The following DCUN1D3 variants were observed in gnomAD, a reference collection of about 807,000 sequenced individuals.
DCUN1D3 encodes DCN1-like protein 3.
Under a neutral mutation model 24.8 loss-of-function variants are expected in DCUN1D3, and 6 were observed. That is an observed-to-expected ratio of 0.24 (90% CI 0.13 to 0.48). DCUN1D3 has a LOEUF of 0.48. Among genes scored for constraint, DCUN1D3 ranks in the 20% least tolerant of loss-of-function variants. The probability of loss-of-function intolerance (pLI) is 0.99; values close to 1 mark genes in which losing one functional copy is unlikely to be tolerated. For synonymous variants in DCUN1D3, 120 were observed against 144.9 expected (o/e 0.83, Z 1.24); for missense variants, 258 against 379.4 (o/e 0.68, Z 2.66).
intron 1 of DCUN1D3, among the ~76,000 whole-genome samples, chr16:20,881,703 A>G (rs1426164633): frequency 4.6e-5 from 7 of 152,232 alleles, no homozygotes; most frequent in Admixed American, 1.3e-4. Context: ...TCAGAACTAA[A>G]GCAGCTTATG....
chr16:20,868,374 T>G (rs2081772632), intron 1 of DCUN1D3, among the ~76,000 whole-genome samples: 1 of 152,200 alleles, frequency 6.6e-6, no homozygotes, highest in African/African-American at 2.4e-5. Context: ...GGAGTCTATT[T>G]AGGAATGGAG....
intron 1 of DCUN1D3, among the ~76,000 whole-genome samples, chr16:20,879,419 G>A (rs1377584625): frequency 6.6e-6 from 1 of 152,166 alleles, no homozygotes; most frequent in African/African-American, 2.4e-5. Flanking sequence ...GACAAACACT[G>A]ATAAACCTTT....
At position 20,859,891 on chromosome 16, in the gene DCUN1D3, T is replaced by C. The variant is rs1442887626; in HGVS notation, c.910A>G (p.Thr304Ala). The C allele has an allele frequency of 1.2e-6, 2 of 1,605,666 alleles. No homozygotes were observed. The highest frequency in any genetic ancestry group is 1.3e-5 in the African/African-American group (1 of 74,794). ...GPEGLCPEEQ[T>A] ...CTGCTCCTGGGACAGAGCCACTAAG[T>C]CTGCTCCTCGGGACACAAGCCCTCA... Residue 304 changes from threonine (T) to alanine (A), a missense_variant, in exon 3 of 3, where the codon ACT (threonine) becomes GCT (alanine). Coordinates refer to ENST00000324344, the MANE Select transcript of DCUN1D3 (RefSeq NM_173475.4).
At chr16:20,884,958 T>G (rs1192226985) in intron 1 of DCUN1D3, among the ~76,000 whole-genome samples, 1 of 149,474 alleles carries the variant, frequency 6.7e-6, no homozygotes, top group Non-Finnish European at 1.5e-5. Context: ...TGTTGGGCTA[T>G]ATCACTGCCA....
chr16:20,881,464 ATTTG>A (rs2081843148), intron 1 of DCUN1D3, among the ~76,000 whole-genome samples: 1 of 152,084 alleles, frequency 6.6e-6, no homozygotes, highest in Non-Finnish European at 1.5e-5. Context: ...GATTTGCACT[ATTTG>A]TTTTCTTTTT....
Position 20,860,135 on chromosome 16 carries a change from G to A in DCUN1D3, c.666C>T (p.Asp222=). ...VFTQNNPPVL[D]QWLNFLTENP... is the part of the protein sequence containing the mutation. The stretch of plus-strand genomic sequence containing the variant: ...TCTCTGTTAGGAAGTTTAGCCATTG[G>A]TCCAATACCGGAGGATTGTTCTGGG... The change falls in exon 3 of 3, where the codon GAC becomes GAT. Residue 222 remains aspartate, a synonymous_variant. Coordinates refer to ENST00000324344, the MANE Select transcript of DCUN1D3 (RefSeq NM_173475.4). This position sits in a 1 kb window ranked among gnomAD's most constrained non-coding sequence, Gnocchi z 4.3. 1 of 1,614,240 alleles carries A rather than the reference G, an allele frequency of 6.2e-7. No individual in the cohort carries two copies. The highest frequency in any genetic ancestry group is 1.1e-5 in the South Asian group (1 of 91,090).
At chr16:20,885,348 T>C (rs185717485) in intron 1 of DCUN1D3, among the ~76,000 whole-genome samples, 63 of 152,254 alleles carry the variant, frequency 4.1e-4, no homozygotes, top group Non-Finnish European at 2.6e-4. Flanking sequence ...GATCCATCTT[T>C]ATAGCAATTT....
chr16:20,864,622 T>C (rs1382860899), intron 1 of DCUN1D3, among the ~76,000 whole-genome samples: 1 of 152,070 alleles, frequency 6.6e-6, no homozygotes, highest in African/African-American at 2.4e-5. Context: ...ACATTCGAAC[T>C]AGCAATCCCA....
At chr16:20,892,848 C>T (rs2081898327) in intron 1 of DCUN1D3, among the ~76,000 whole-genome samples, 3 of 152,140 alleles carry the variant, frequency 2.0e-5, no homozygotes, top group Admixed American at 6.5e-5. Context: ...AAGAAAAAAG[C>T]CCAGCTTTCT....
At chr16:20,892,296 A>C (rs1427801597) in intron 1 of DCUN1D3, among the ~76,000 whole-genome samples, 1 of 152,168 alleles carries the variant, frequency 6.6e-6, no homozygotes, top group Admixed American at 6.5e-5. Flanking sequence ...CTCACTCTCT[A>C]ATTCCACTTA....
chr16:20,870,186 C>T (rs1474640850), intron 1 of DCUN1D3, among the ~76,000 whole-genome samples: 1 of 152,152 alleles, frequency 6.6e-6, no homozygotes, highest in African/African-American at 2.4e-5. Flanking sequence ...ACTACTTCAC[C>T]TTTTTTGGCA....
intron 1 of DCUN1D3, among the ~76,000 whole-genome samples, chr16:20,877,987 A>C (rs769441009): frequency 2.6e-5 from 4 of 152,174 alleles, no homozygotes; most frequent in Admixed American, 6.5e-5. Flanking sequence ...ATTTTTGTAC[A>C]GACAGGGTCT....
intron 1 of DCUN1D3, among the ~76,000 whole-genome samples, chr16:20,882,665 T>C (rs563478992): frequency 6.6e-5 from 10 of 152,338 alleles, no homozygotes; most frequent in African/African-American, 2.2e-4. Context: ...AGATCTACAA[T>C]AGGCACTAAA....
intron 1 of DCUN1D3, among the ~76,000 whole-genome samples, chr16:20,872,392 G>A (rs984777238): frequency 2.6e-5 from 4 of 152,002 alleles, no homozygotes; most frequent in African/African-American, 9.7e-5. Flanking sequence ...TAGATATGTG[G>A]TTTCGGGAGC....
chr16:20,869,129 C>T (rs1357346721), intron 1 of DCUN1D3: 1 of 152,406 alleles, frequency 6.6e-6, no homozygotes, highest in Non-Finnish European at 1.5e-5. Context: ...AGGGCAATCC[C>T]AGAGGCTGCA....
chr16:20,863,805 A>C (rs1365974258), intron 1 of DCUN1D3, among the ~76,000 whole-genome samples: 1 of 152,186 alleles, frequency 6.6e-6, no homozygotes, highest in African/African-American at 2.4e-5. Context: ...TGGAGAGCCC[A>C]AAAATAAGGC....
intron 1 of DCUN1D3, among the ~76,000 whole-genome samples, chr16:20,875,607 C>T (rs569703484): frequency 2.0e-5 from 3 of 152,288 alleles, no homozygotes; most frequent in East Asian, 1.9e-4. Context: ...CCCTCTCTCA[C>T]ACTATATACA....
chr16:20,892,456 T>C (rs1471834496), intron 1 of DCUN1D3, among the ~76,000 whole-genome samples: 3 of 152,188 alleles, frequency 2.0e-5, no homozygotes, highest in Non-Finnish European at 2.9e-5. Flanking sequence ...CTCCCCCTCC[T>C]GTTTAAAGAG....
intron 1 of DCUN1D3, among the ~76,000 whole-genome samples, chr16:20,867,019 A>C (rs1222521655): frequency 6.6e-6 from 1 of 152,232 alleles, no homozygotes; most frequent in Non-Finnish European, 1.5e-5. Flanking sequence ...CTGATGGCTA[A>C]CAGCTAATAA....
Sources: gnomAD v4.1 joint callset for allele counts (sites outside exome capture counted in the v4.1 genomes callset) on GRCh38, gnomAD v4.1.1 for gene constraint, Gnocchi (gnomAD v3.1) non-coding constraint, MANE v1.5 for transcripts, NCBI Gene and HGNC (gene_info 2026-07-23, HGNC 2026-07-21) for gene names.